The following TTC7B variants were observed in gnomAD, a reference collection of about 807,000 sequenced individuals.
TTC7B encodes the protein tetratricopeptide repeat domain 7B.
A neutral mutation model predicts 106.8 loss-of-function variants in TTC7B; 28 were observed. The ratio of observed to expected loss-of-function variants is 0.26; its 90% CI spans 0.19 to 0.36. The LOEUF is 0.36. TTC7B is among the 10% of genes least tolerant of loss of function. The pLI is 1.00. For missense variants in TTC7B, 862 were observed against 1,076.4 expected, an observed-to-expected ratio of 0.80 and a Z score of 2.79; for synonymous variants, 405 against 430.6, an observed-to-expected ratio of 0.94 and a Z score of 0.74.
At chr14:90,671,296 T>C (rs1387021884) in intron 9 of TTC7B, among the ~76,000 whole-genome samples, 1 of 152,226 alleles carries the variant, frequency 6.6e-6, no homozygotes, top group African/African-American at 2.4e-5. Flanking sequence ...GTCAGACAGT[T>C]CTACCCACAG....
At chr14:90,673,651 A>C (rs1362207339) in intron 9 of TTC7B, among the ~76,000 whole-genome samples, 1 of 152,246 alleles carries the variant, frequency 6.6e-6, no homozygotes, top group Admixed American at 6.5e-5. Context: ...TATCCTCACA[A>C]CAACACTGTT....
At chr14:90,572,325 C>T (rs141567079) in intron 19 of TTC7B, among the ~76,000 whole-genome samples, 222 of 150,826 alleles carry the variant, frequency 1.5e-3, no homozygotes, top group Non-Finnish European at 2.6e-3. Context: ...TCAGCAGTGT[C>T]GTTAGTCAGC....
intron 15 of TTC7B, among the ~76,000 whole-genome samples, chr14:90,630,621 C>T (rs1042519256): frequency 1.3e-5 from 2 of 152,144 alleles, no homozygotes; most frequent in East Asian, 1.9e-4. Flanking sequence ...AAACTGAAAC[C>T]GCACCCACTG....
intron 13 of TTC7B, 196 bp from the exon 14 acceptor site, chr14:90,647,219 T>C: frequency 1.8e-6 from 1 of 568,108 alleles, no homozygotes; most frequent in Non-Finnish European, 3.2e-6. Context: ...TGTATAAAGG[T>C]ACAGAATAGG....
rs1273436389 is a variant in TTC7B at position 90,531,430 on chromosome 14, A to G, written c.*9938T>C. On this transcript the variant is annotated 3_prime_UTR_variant, in exon 20 of 20. Coordinates refer to ENST00000328459, the MANE Select transcript of TTC7B (RefSeq NM_001010854.2). ...ACTAAGCACAAAAAATCAAAAATACAAAACAAAAAAACAAACAAAAAAAAA... is the reference window on the plus strand; with the variant it reads ...ACTAAGCACAAAAAATCAAAAATACGAAACAAAAAAACAAACAAAAAAAAA... The G allele has an allele frequency of 2.0e-5, 3 of 149,974 alleles. No individual in the cohort carries two copies. The highest frequency in any genetic ancestry group is 4.4e-5 in the Non-Finnish European group (3 of 67,984). The allele number at this position is 149,974 out of a possible 1,614,324, so 9.3% of individuals were successfully genotyped here.
intron 17 of TTC7B, among the ~76,000 whole-genome samples, chr14:90,604,310 A>G (rs573048255): frequency 3.5e-4 from 53 of 152,346 alleles, no homozygotes; most frequent in African/African-American, 1.1e-3. Flanking sequence ...TTAAGAGAAA[A>G]TGTCTATTTT....
At chr14:90,786,718 T>C (rs1370336337) in intron 1 of TTC7B, among the ~76,000 whole-genome samples, 1 of 152,180 alleles carries the variant, frequency 6.6e-6, no homozygotes, top group East Asian at 1.9e-4. Context: ...TAGCTGGGAT[T>C]ACAGGCACCT....
At position 90,577,009 on chromosome 14, in the gene TTC7B, C is replaced by T. The variant is rs367974778; in HGVS notation, c.2310+1097G>A. Among the ~76,000 whole-genome samples the T allele has an allele frequency of 6.6e-6, 1 of 152,124 alleles. No individual in the cohort carries two copies. Among genetic ancestry groups the T allele is most frequent in the East Asian group, 1.9e-4 (1 of 5,186 alleles). On this transcript the variant is annotated intron_variant, in intron 19 of 19. Coordinates refer to ENST00000328459, the MANE Select transcript of TTC7B (RefSeq NM_001010854.2). The surrounding 1 kb of genome is among the most constrained non-coding windows in gnomAD (Gnocchi z 5.0). ...AGGTTAAAGAGCAAGCAGCTGATGT[C>T]GCTGGGACCAGAACTGTGTCCTCAG...
At chr14:90,761,466 C>T (rs951766987) in intron 3 of TTC7B, among the ~76,000 whole-genome samples, 1 of 151,742 alleles carries the variant, frequency 6.6e-6, no homozygotes, top group Non-Finnish European at 1.5e-5. Flanking sequence ...GATTGCATCC[C>T]CAACAAATCA....
chr14:90,576,262 A>G (rs1891260908), intron 19 of TTC7B, among the ~76,000 whole-genome samples: 1 of 152,144 alleles, frequency 6.6e-6, no homozygotes, highest in African/African-American at 2.4e-5. Context: ...CGTCTTCTAG[A>G]TGCTCTCAGC....
rs768995897 is a variant in TTC7B at position 90,624,119 on chromosome 14, CGT to C, written c.1752-6076_1752-6075del. Among the ~76,000 whole-genome samples the C allele has an allele frequency of 5.9e-5, 9 of 152,184 alleles. No homozygotes were observed. The highest frequency in any genetic ancestry group is 2.6e-4 in the Admixed American group (4 of 15,294). On this transcript the variant is annotated intron_variant, in intron 15 of 19. Transcript: ENST00000328459. The surrounding 1 kb of genome is among the most constrained non-coding windows in gnomAD (Gnocchi z 4.0). ...GTGTGCATGTGTGTGTGCGCGTGCG[CGT>C]GTGTGTGTTTTGTGACTTGTCTTTC...
chr14:90,650,414 G>A (rs767017632), intron 13 of TTC7B, among the ~76,000 whole-genome samples: 1 of 152,128 alleles, frequency 6.6e-6, no homozygotes, highest in Admixed American at 6.5e-5. Context: ...ACTTGTCCTG[G>A]TTTGTCCAGG....
Position 90,695,581 on chromosome 14 carries a change from G to T in TTC7B, c.699-3C>A, listed in dbSNP as rs1267038345. The stretch of plus-strand genomic sequence containing the variant: ...TTCCGACTCCTCTTGTCAAGTTCCT[G>T]TGTGGACACAGAATTTGACGGTTTT... On this transcript the variant is annotated splice_region_variant and splice_polypyrimidine_tract_variant and intron_variant, in intron 5 of 19. Transcript: ENST00000328459. 6.3e-7 allele frequency: 1 copy of T among 1,589,716 alleles called. No homozygotes were observed. Among genetic ancestry groups the T allele is most frequent in the Non-Finnish European group, 8.6e-7 (1 of 1,168,960 alleles).
chr14:90,638,512 G>T (rs544710804), intron 15 of TTC7B, among the ~76,000 whole-genome samples: 1 of 152,036 alleles, frequency 6.6e-6, no homozygotes, highest in African/African-American at 2.4e-5. Flanking sequence ...ATTTTTTCAG[G>T]TAACTAGAAA....
At chr14:90,560,248 A>G (rs1424980215) in intron 19 of TTC7B, among the ~76,000 whole-genome samples, 1 of 152,192 alleles carries the variant, frequency 6.6e-6, no homozygotes, top group Non-Finnish European at 1.5e-5. Flanking sequence ...CCGTGGTATA[A>G]ACACTTCCAC....
chr14:90,601,772 G>C (rs1026184453), intron 17 of TTC7B, among the ~76,000 whole-genome samples: 6 of 152,216 alleles, frequency 3.9e-5, no homozygotes, highest in African/African-American at 1.4e-4. Context: ...GTGTAACTCA[G>C]GGGGAAGGCA....
At chr14:90,811,743 G>T (rs555379520) in intron 1 of TTC7B, among the ~76,000 whole-genome samples, 1 of 152,194 alleles carries the variant, frequency 6.6e-6, no homozygotes, top group Non-Finnish European at 1.5e-5. Flanking sequence ...TATAGGATCC[G>T]ACAGGCAATG....
rs528213529 is a variant in TTC7B at position 90,539,241 on chromosome 14, C to G, written c.*2127G>C. ...CGGGCAGACACACAGGAGCCAGCCCCCGCGCCCTGCAGGGCTGATACGCAC... is the reference window on the plus strand; with the variant it reads ...CGGGCAGACACACAGGAGCCAGCCCGCGCGCCCTGCAGGGCTGATACGCAC... On this transcript the variant is annotated 3_prime_UTR_variant, in exon 20 of 20. Coordinates refer to ENST00000328459, the MANE Select transcript of TTC7B (RefSeq NM_001010854.2). 1.3e-5 allele frequency: 2 copies of G among 152,590 alleles called. No individual in the cohort carries two copies. The highest frequency in any genetic ancestry group is 3.9e-4 in the East Asian group (2 of 5,162). The allele number at this position is 152,590 out of a possible 1,614,324, so 9.5% of individuals were successfully genotyped here.
rs372268647 is a variant in TTC7B, at chr14:90,695,537, C to T, written c.740G>A (p.Arg247Lys). The T allele has an allele frequency of 5.0e-6, 8 of 1,599,616 alleles. No individual in the cohort carries two copies. Among genetic ancestry groups the T allele is most frequent in the Non-Finnish European group, 6.8e-6 (8 of 1,174,060 alleles). The change falls in exon 6 of 20, where the codon AGA becomes AAA. Residue 247 changes from arginine to lysine, a missense_variant. Transcript: ENST00000328459. Reference protein sequence around the residue: ...RGVGRFRELLRAVETRTTQNL... With the variant: ...RGVGRFRELLKAVETRTTQNL... ...TTGAGTCGTTCTTGTTTCAACTGCT[C>T]TGAGAAGCTCTCTAAATCTTCCGAC... is the stretch of plus-strand genomic sequence containing the variant.
Sources: allele counts gnomAD v4.1 joint callset (sites outside exome capture counted in the v4.1 genomes callset), GRCh38; gene constraint gnomAD v4.1.1; non-coding constraint Gnocchi (gnomAD v3.1); transcripts MANE v1.5; gene names NCBI Gene and HGNC (gene_info 2026-07-23, HGNC 2026-07-21).